The following EHBP1 variants were observed in gnomAD, a reference collection of about 807,000 sequenced individuals.
EHBP1 encodes EH domain binding protein 1.
In EHBP1, 55 loss-of-function variants were observed where a neutral mutation model predicts 144.0. That is an observed-to-expected ratio of 0.38 (90% CI 0.31 to 0.48). The LOEUF (loss-of-function observed/expected upper bound fraction) is 0.48, where lower values mean the gene tolerates loss of function less well. Among genes scored for constraint, EHBP1 ranks in the 20% least tolerant of loss-of-function variants. The pLI, the probability that EHBP1 is intolerant of heterozygous loss-of-function variation, is 0.98. For synonymous variants in EHBP1, 469 were observed against 472.7 expected (o/e 0.99, Z 0.10); for missense variants, 1,200 against 1,364.2 (o/e 0.88, Z 1.90).
At chr2:62,863,650 C>G (rs1448627313) in intron 8 of EHBP1, among the ~76,000 whole-genome samples, 1 of 151,840 alleles carries the variant, frequency 6.6e-6, no homozygotes, top group Non-Finnish European at 1.5e-5. Flanking sequence ...CATACAGAAA[C>G]CTCCTCTTTG....
At chr2:62,747,304 A>T in intron 2 of EHBP1, 91 bp from the exon 3 acceptor site, 1 of 1,094,156 alleles carries the variant, frequency 9.1e-7, no homozygotes, top group South Asian at 1.4e-5. Flanking sequence ...TGTAGCCTAA[A>T]GCAGATGACA....
intron 10 of EHBP1, among the ~76,000 whole-genome samples, chr2:62,915,264 G>A (rs867025880): frequency 6.6e-6 from 1 of 151,912 alleles, no homozygotes; most frequent in African/African-American, 2.4e-5. Context: ...TGAAATGCAG[G>A]TTATATTTTA....
intron 10 of EHBP1, among the ~76,000 whole-genome samples, chr2:62,919,187 AAAG>A (rs2054870057): frequency 1.3e-5 from 2 of 152,242 alleles, no homozygotes; most frequent in African/African-American, 4.8e-5. Flanking sequence ...AAGTGCAGGC[AAAG>A]AGGTGGTGGC....
chr2:63,021,364 T>C (rs1222840744), intron 19 of EHBP1, among the ~76,000 whole-genome samples: 2 of 152,186 alleles, frequency 1.3e-5, no homozygotes, highest in African/African-American at 4.8e-5. Context: ...AAAAAGTAAC[T>C]TTAATGAATG....
intron 13 of EHBP1, among the ~76,000 whole-genome samples, chr2:62,951,614 T>C (rs2057397709): frequency 7.0e-6 from 1 of 142,052 alleles, no homozygotes; most frequent in African/African-American, 2.6e-5. Context: ...AACCTTCTCC[T>C]CCCGGGTTCA....
intron 7 of EHBP1, among the ~76,000 whole-genome samples, chr2:62,846,004 G>A (rs963787862): frequency 2.0e-5 from 3 of 152,120 alleles, no homozygotes; most frequent in Non-Finnish European, 4.4e-5. Context: ...GAAACCCTAG[G>A]ATGAGAGACT....
chr2:62,993,545 C>G lies in EHBP1; in HGVS notation c.2749C>G (p.Leu917Val), dbSNP rs150215775. Residue 917 changes from leucine (L) to valine (V), a missense_variant, in exon 17 of 23, where the codon CTC (leucine) becomes GTC (valine). Leu to Val is a conservative substitution (Grantham distance 32). Around this residue, in one of 6 missense-constraint regions of EHBP1, gnomAD observed 543 missense variants for 513.1 expected, o/e 1.06. Transcript: ENST00000431489. ...TTACGTTTAGAGTGGCACAGAAGAT[C>G]TCCGGACTGAACGATTACAAAAAAC... is the stretch of plus-strand genomic sequence containing the variant. Reference protein sequence around the residue: ...EQDMKSGTEDLRTERLQKTTE... With the variant: ...EQDMKSGTEDVRTERLQKTTE... 1,913 of 1,594,258 alleles carry G rather than the reference C, an allele frequency of 1.2e-3. 1 individual carries two copies. The highest frequency in any genetic ancestry group is 1.9e-3 in the South Asian group (170 of 87,892).
At position 62,955,525 on chromosome 2, in the gene EHBP1, G is replaced by A. The variant is rs1472427006; in HGVS notation, c.2325G>A (p.Leu775=). ...DHSSKIVQHR[L]LSRQEELKER... ...GTATCTTTGCTTTTAAGCATCGATT[G>A]TTATCTAGACAAGAAGAACTTAAGG... Residue 775 remains leucine, a synonymous_variant, in exon 14 of 23, where the codon TTG becomes TTA. Coordinates refer to ENST00000431489, the MANE Select transcript of EHBP1 (RefSeq NM_001142616.3). The A allele has an allele frequency of 6.2e-7, 1 of 1,604,760 alleles. No individual in the cohort carries two copies. Among genetic ancestry groups the A allele is most frequent in the Admixed American group, 1.7e-5 (1 of 58,836 alleles).
chr2:62,859,395 T>C (rs2049329059), intron 8 of EHBP1, 104 bp downstream of exon 8: 2 of 1,093,174 alleles, frequency 1.8e-6, no homozygotes, highest in Non-Finnish European at 1.3e-6. Flanking sequence ...CAAAAAATTA[T>C]TGTTTATAAT....
At chr2:62,867,450 G>A in intron 9 of EHBP1, among the ~76,000 whole-genome samples, 1 of 151,884 alleles carries the variant, frequency 6.6e-6, no homozygotes, top group East Asian at 1.9e-4. Context: ...TGAACAATCA[G>A]AAATCAATAT....
chr2:62,691,820 C>G (rs1490081514), intron 1 of EHBP1, among the ~76,000 whole-genome samples: 1 of 152,160 alleles, frequency 6.6e-6, no homozygotes, highest in Non-Finnish European at 1.5e-5. Flanking sequence ...TTGCTGAGCT[C>G]TAGCATATTC....
chr2:62,687,782 G>T (rs975088875), intron 1 of EHBP1, among the ~76,000 whole-genome samples: 4 of 152,128 alleles, frequency 2.6e-5, no homozygotes, highest in Non-Finnish European at 4.4e-5. Flanking sequence ...GCACAGACCC[G>T]CTATGAAAAG....
In EHBP1 at chr2:63,045,463, A is replaced by G; in HGVS notation, c.3446A>G (p.Lys1149Arg). The G allele has an allele frequency of 6.2e-7, 1 of 1,614,236 alleles. No homozygotes were observed. The change falls in exon 23 of 23, where the codon AAG (lysine) becomes AGG (arginine). Residue 1149 changes from lysine (K) to arginine (R), a missense_variant. Lys to Arg is a conservative substitution (Grantham distance 26). Coordinates refer to ENST00000431489, the MANE Select transcript of EHBP1 (RefSeq NM_001142616.3). The surrounding 1 kb of genome is among the most constrained non-coding windows in gnomAD (Gnocchi z 5.7). ...CGAACTCTGGAGCAAAACAAAGGCA[A>G]GATGGCCAAGAAAGAGGAGAAATGT... The part of the protein sequence containing the change: ...LERTLEQNKG[K>R]MAKKEEKCVL...
chr2:62,835,964 G>A (rs1314723303), intron 7 of EHBP1, among the ~76,000 whole-genome samples: 1 of 151,606 alleles, frequency 6.6e-6, no homozygotes, highest in Non-Finnish European at 1.5e-5. Flanking sequence ...AAGCGGCCCG[G>A]AAGCTCGAAC....
intron 5 of EHBP1, among the ~76,000 whole-genome samples, chr2:62,807,337 C>A (rs1014845177): frequency 1.3e-5 from 2 of 152,154 alleles, no homozygotes; most frequent in Non-Finnish European, 2.9e-5. Flanking sequence ...CACCTGAGGT[C>A]GGGAGTTCAA....
chr2:62,686,398 C>A (rs1284793005), intron 1 of EHBP1, among the ~76,000 whole-genome samples: 1 of 152,188 alleles, frequency 6.6e-6, no homozygotes, highest in Admixed American at 6.5e-5. Flanking sequence ...TGTTTCCCTG[C>A]ACTTCTTCCT....
At chr2:62,933,257 A>G (rs1423999360) in intron 10 of EHBP1, among the ~76,000 whole-genome samples, 1 of 152,040 alleles carries the variant, frequency 6.6e-6, no homozygotes, top group Non-Finnish European at 1.5e-5. Context: ...CATTTTTTCC[A>G]GGGTCTAATA....
chr2:62,836,266 C>T (rs990275734), intron 7 of EHBP1, among the ~76,000 whole-genome samples: 2 of 151,960 alleles, frequency 1.3e-5, no homozygotes, highest in African/African-American at 4.8e-5. Context: ...TTCCAACAGA[C>T]CTGCAGCTGA....
chr2:62,707,699 A>C (rs572097104), intron 2 of EHBP1, among the ~76,000 whole-genome samples: 12 of 152,176 alleles, frequency 7.9e-5, no homozygotes, highest in Non-Finnish European at 1.8e-4. Flanking sequence ...TTAATATAGA[A>C]GTCTATATTC....
Sources: allele counts gnomAD v4.1 joint callset (sites outside exome capture counted in the v4.1 genomes callset), GRCh38; gene constraint gnomAD v4.1.1; regional missense constraint gnomAD v4.1.1; non-coding constraint Gnocchi (gnomAD v3.1); transcripts MANE v1.5; gene names NCBI Gene and HGNC (gene_info 2026-07-23, HGNC 2026-07-21).